ECSIT: variants seen among roughly 807,000 people sequenced by gnomAD.
ECSIT encodes ECSIT signaling integrator, also known as evolutionarily conserved signaling intermediate in Toll pathway, mitochondrial.
ECSIT carries 29 observed loss-of-function variants against 36.8 expected under a neutral mutation model. That is an observed-to-expected ratio of 0.79 (90% CI 0.59 to 1.08). The LOEUF is 1.08. Among genes scored for constraint, ECSIT ranks in the 50% least tolerant of loss-of-function variants. The pLI is 0.00. For synonymous variants in ECSIT, 231 were observed against 234.8 expected (o/e 0.98, Z 0.15); for missense variants, 542 against 581.0 (o/e 0.93, Z 0.69).
intron 4 of ECSIT, among the ~76,000 whole-genome samples, chr19:11,509,087 T>G (rs113916887): frequency 0.039 from 5,789 of 146,614 alleles, 133 homozygotes; most frequent in Admixed American, 0.069. Context: ...TTTTTTTTTT[T>G]GGGACAGAGT....
intron 1 of ECSIT, chr19:11,522,445 C>T (rs895819460): frequency 2.3e-5 from 33 of 1,457,276 alleles, no homozygotes; most frequent in Middle Eastern, 4.8e-4. Flanking sequence ...CCAGGTCCTG[C>T]GCCATCAGCA....
intron 4 of ECSIT, 77 bp from the exon 5 acceptor site, chr19:11,508,125 G>A: frequency 6.5e-7 from 1 of 1,546,650 alleles, no homozygotes; most frequent in Admixed American, 1.7e-5. Flanking sequence ...AAACAGAAAG[G>A]GGGATACCAG....
intron 1 of ECSIT, among the ~76,000 whole-genome samples, chr19:11,526,381 T>C (rs373418060): frequency 5.3e-5 from 8 of 152,288 alleles, no homozygotes; most frequent in East Asian, 1.9e-4. Context: ...CCAGCCTTTA[T>C]ACCTAACTGC....
At chr19:11,510,254 C>G (rs993077566) in intron 4 of ECSIT, among the ~76,000 whole-genome samples, 1 of 152,046 alleles carries the variant, frequency 6.6e-6, no homozygotes, top group Non-Finnish European at 1.5e-5. Context: ...CGGCTCACTA[C>G]AGACTTGACT....
At chr19:11,510,279 C>T (rs183833233) in intron 4 of ECSIT, among the ~76,000 whole-genome samples, 3 of 152,084 alleles carry the variant, frequency 2.0e-5, no homozygotes, top group Admixed American at 1.3e-4. Context: ...GAGTTCAAGC[C>T]ACCCTCCTGC....
intron 7 of ECSIT, among the ~76,000 whole-genome samples, chr19:11,507,200 C>A (rs953610580): frequency 1.7e-4 from 26 of 151,912 alleles, no homozygotes; most frequent in African/African-American, 6.3e-4. Context: ...TCAGCCTGGG[C>A]CTACCCCTTG....
chr19:11,509,759 C>T (rs903672231), intron 4 of ECSIT, among the ~76,000 whole-genome samples: 12 of 151,892 alleles, frequency 7.9e-5, no homozygotes, highest in African/African-American at 2.9e-4. Context: ...CAGAGCAAGG[C>T]TCTGTCTCAA....
chr19:11,515,324 C>G (rs142910930), intron 2 of ECSIT, among the ~76,000 whole-genome samples: 1 of 151,262 alleles, frequency 6.6e-6, no homozygotes, highest in African/African-American at 2.4e-5. Context: ...AGGATGGTCT[C>G]GATCTCCTGA....
intron 1 of ECSIT, chr19:11,522,642 A>G: frequency 1.9e-6 from 1 of 529,350 alleles, no homozygotes; most frequent in Non-Finnish European, 3.4e-6. Flanking sequence ...TGCACCTGGG[A>G]GGCAATGTTA....
At chr19:11,510,946 C>T (rs972185650) in intron 4 of ECSIT, among the ~76,000 whole-genome samples, 1 of 151,898 alleles carries the variant, frequency 6.6e-6, no homozygotes, top group Non-Finnish European at 1.5e-5. Context: ...GCCCCCCCAC[C>T]CCCGGCATAG....
rs1972054246 is a variant in ECSIT, at chr19:11,519,171, G to A, written c.-1C>T. On this transcript the variant is annotated 5_prime_UTR_variant, in exon 2 of 8. Transcript: ENST00000270517. The surrounding 1 kb of genome is among the most constrained non-coding windows in gnomAD (Gnocchi z 4.4). ...GTAGGGTGGCCTGGACCCAGCTCAT[G>A]CCTCTGCTTGTCAGACAATCACCTG... 1.9e-6 allele frequency: 3 copies of A among 1,549,082 alleles called. No individual in the cohort carries two copies. The East Asian group carries it at 7.3e-5, about 38-fold the overall frequency.
intron 1 of ECSIT, chr19:11,522,385 C>G (rs1344715410): frequency 2.1e-6 from 2 of 955,466 alleles, no homozygotes; most frequent in East Asian, 2.4e-5. Flanking sequence ...GTCCCACCGG[C>G]TGGCCGTCAA....
chr19:11,525,718 A>T (rs1285953925), intron 1 of ECSIT: 1 of 145,836 alleles, frequency 6.9e-6, no homozygotes, highest in Non-Finnish European at 1.5e-5. Context: ...CCTGACCAAC[A>T]TGGAGAAACC....
Position 11,507,550 on chromosome 19 carries a change from T to A in ECSIT, c.958A>T (p.Thr320Ser). ...TAGTAGAGGTTCCACTCCTCCGGCG[T>A]CTCTTCCACTTCCTACTCCAAGGTG... ...LPPEEREVEETPEEWNLYYPM... is the reference protein window; with the variant it reads ...LPPEEREVEESPEEWNLYYPM... The change falls in exon 7 of 8, where the codon ACG becomes TCG. Residue 320 changes from threonine (T) to serine (S), a missense_variant. Physicochemically the swap from Thr to Ser is moderately conservative, Grantham distance 58. Coordinates refer to ENST00000270517, the MANE Select transcript of ECSIT (RefSeq NM_016581.5). 6.2e-7 allele frequency: 1 copy of A among 1,614,000 alleles called. No homozygotes were observed. The highest frequency in any genetic ancestry group is 1.3e-5 in the African/African-American group (1 of 74,972).
intron 4 of ECSIT, among the ~76,000 whole-genome samples, chr19:11,509,980 C>T (rs1971837997): frequency 6.6e-6 from 1 of 151,706 alleles, no homozygotes; most frequent in Non-Finnish European, 1.5e-5. Context: ...AGTGATTCTC[C>T]TGCCTCACCC....
chr19:11,509,874 CTTTTT>C (rs796995330), intron 4 of ECSIT, among the ~76,000 whole-genome samples: 4 of 145,132 alleles, frequency 2.8e-5, no homozygotes, highest in Non-Finnish European at 6.1e-5. Context: ...ACTAAAGAAA[CTTTTT>C]TTTTTTTGAG....
intron 1 of ECSIT, among the ~76,000 whole-genome samples, chr19:11,527,958 C>A (rs1972249115): frequency 6.6e-6 from 1 of 152,082 alleles, no homozygotes; most frequent in South Asian, 2.1e-4. Flanking sequence ...GTGCACTGCA[C>A]CACTGCACTC....
At position 11,514,116 on chromosome 19, in the gene ECSIT, C is replaced by A; in HGVS notation, c.202G>T (p.Ala68Ser). Reference sequence around the variant, plus strand: ...AACAGGTCCTCAAAGGGCACCAGAGCCTTGGTGGGCCTCTGCCGGGGTTCC... The same window carrying A: ...AACAGGTCCTCAAAGGGCACCAGAGACTTGGTGGGCCTCTGCCGGGGTTCC... Reference protein sequence around the residue: ...PPEPRQRPTKALVPFEDLFGQ... With the variant: ...PPEPRQRPTKSLVPFEDLFGQ... Residue 68 changes from alanine (A) to serine (S), a missense_variant, in exon 3 of 8, where the codon GCT (alanine) becomes TCT (serine). Ala to Ser is a moderately conservative substitution (Grantham distance 99, BLOSUM62 1). Transcript: ENST00000270517. 6.2e-7 allele frequency: 1 copy of A among 1,614,088 alleles called. No homozygotes were observed. The highest frequency in any genetic ancestry group is 2.2e-5 in the East Asian group (1 of 44,876).
At chr19:11,518,202 G>A (rs1369412527) in intron 2 of ECSIT, among the ~76,000 whole-genome samples, 1 of 152,094 alleles carries the variant, frequency 6.6e-6, no homozygotes, top group Non-Finnish European at 1.5e-5. Flanking sequence ...CGAGGCGGGT[G>A]AATCACCTGA....
Sources: gnomAD v4.1 joint callset for allele counts (sites outside exome capture counted in the v4.1 genomes callset) on GRCh38, gnomAD v4.1.1 for gene constraint, Gnocchi (gnomAD v3.1) non-coding constraint, MANE v1.5 for transcripts, NCBI Gene and HGNC (gene_info 2026-07-23, HGNC 2026-07-21) for gene names.